The following ZDHHC16 variants were observed in gnomAD, a reference collection of about 807,000 sequenced individuals.
ZDHHC16 encodes the protein zDHHC palmitoyltransferase 16.
A neutral mutation model predicts 54.4 loss-of-function variants in ZDHHC16; 33 were observed. That is an observed-to-expected ratio of 0.61 (90% confidence interval 0.46 to 0.81). ZDHHC16 has a LOEUF of 0.81. ZDHHC16 is among the 30% of genes least tolerant of loss of function. ZDHHC16 has a pLI of 0.00. For missense variants in ZDHHC16, 420 were observed against 485.9 expected, an observed-to-expected ratio of 0.86 and a Z score of 1.28; for synonymous variants, 185 against 182.1, an observed-to-expected ratio of 1.02 and a Z score of -0.13.
Position 97,453,578 on chromosome 10 carries a change from C to G in ZDHHC16, c.605C>G (p.Ser202Cys). 6.2e-7 allele frequency: 1 copy of G among 1,614,214 alleles called. No individual in the cohort carries two copies. The stretch of plus-strand genomic sequence containing the variant: ...CACTATAACCATCGGTACTTCTTCT[C>G]TTTCTGCTTTTTCATGACTCTGGGC... ...VGHYNHRYFF[S>C]FCFFMTLGCV... The change falls in exon 7 of 12, where the codon TCT (serine) becomes TGT (cysteine). Residue 202 changes from serine to cysteine, a missense_variant. Coordinates refer to ENST00000393760, the MANE Select transcript of ZDHHC16 (RefSeq NM_198046.3).
chr10:97,454,374 TCTC>T (rs1436095133), intron 8 of ZDHHC16, among the ~76,000 whole-genome samples: 2 of 152,184 alleles, frequency 1.3e-5, no homozygotes, highest in African/African-American at 2.4e-5. Flanking sequence ...TATGGTCTGG[TCTC>T]CTCTCTTGGG....
At chr10:97,455,462 T>C (rs1424590091) in intron 9 of ZDHHC16, 198 bp from the exon 10 acceptor site, 22 of 914,438 alleles carry the variant, frequency 2.4e-5, no homozygotes, top group Non-Finnish European at 3.4e-5. Context: ...CATTTATTCT[T>C]AGGCCACTTT....
At chr10:97,447,779 C>T (rs1846227492) in intron 1 of ZDHHC16, among the ~76,000 whole-genome samples, 2 of 152,096 alleles carry the variant, frequency 1.3e-5, no homozygotes, top group African/African-American at 4.8e-5. Context: ...CAAAATTAGC[C>T]AGGCGTGGTG....
rs145605528 is a variant in ZDHHC16 at position 97,452,111 on chromosome 10, G to A, written c.265G>A (p.Val89Met). Residue 89 changes from valine to methionine, a missense_variant, in exon 4 of 12, where the codon GTG becomes ATG. Transcript: ENST00000393760. ...FGVVFVVLVI[V>M]LTGSIVAIAY... is the part of the protein sequence containing the mutation. The stretch of plus-strand genomic sequence containing the variant: ...GCAGGTGTTCGTGGTCCTGGTGATC[G>A]TGCTGACAGGCTCCATTGTAGCTAT... 5 of 1,613,866 alleles carry A rather than the reference G, an allele frequency of 3.1e-6. No homozygotes were observed. Among genetic ancestry groups the A allele is most frequent in the South Asian group, 2.2e-5 (2 of 91,086 alleles).
At chr10:97,446,478 CCCT>C (rs952049554) in intron 1 of ZDHHC16, 125 bp downstream of exon 1, 2 of 178,148 alleles carry the variant, frequency 1.1e-5, no homozygotes, top group Non-Finnish European at 2.4e-5. Flanking sequence ...CGGGGCCGTG[CCCT>C]CCTCAGCCCG....
At chr10:97,449,858 A>ATTTTTTTTTTTTTTTTTTTTT (rs1412478223) in intron 1 of ZDHHC16, among the ~76,000 whole-genome samples, 1 of 62,354 alleles carries the variant, frequency 1.6e-5, no homozygotes, top group African/African-American at 6.8e-5. Context: ...ACTCCCCTTA[A>ATTTTTTTTTTTTTTTTTTTTT]TTCTTTTTTT....
intron 2 of ZDHHC16, 103 bp from the exon 3 acceptor site, chr10:97,451,568 A>C (rs760392850): frequency 4.0e-6 from 6 of 1,481,676 alleles, no homozygotes; most frequent in Non-Finnish European, 5.4e-6. Context: ...GCTGGGTCTT[A>C]GTCTTAGGTC....
rs112757667 is a variant in ZDHHC16 at position 97,453,311 on chromosome 10, A to T, written c.557-219A>T. On this transcript the variant is annotated intron_variant, in intron 6 of 11. Coordinates refer to ENST00000393760, the MANE Select transcript of ZDHHC16 (RefSeq NM_198046.3). ...TTACTGAAGGATTTCAGTTTCCGTG[A>T]CTTCTTGGTGGGACCTGAATGCTCT... 3.0e-3 allele frequency among the ~76,000 whole-genome samples: 450 copies of T among 150,440 alleles called. 4 individuals are homozygous for T. Among genetic ancestry groups the T allele is most frequent in the African/African-American group, 0.01 (414 of 40,958 alleles).
At position 97,451,659 on chromosome 10, in the gene ZDHHC16, G is replaced by A; in HGVS notation, c.-5-12G>A. ...GCTCAGACTAGATCCTCACAATGGTGTGCTCTCGTAGGAACCATGCGAGGC... is the reference window on the plus strand; with the variant it reads ...GCTCAGACTAGATCCTCACAATGGTATGCTCTCGTAGGAACCATGCGAGGC... On this transcript the variant is annotated splice_polypyrimidine_tract_variant and intron_variant, in intron 2 of 11. Transcript: ENST00000393760. 6.2e-7 allele frequency: 1 copy of A among 1,601,364 alleles called. No homozygotes were observed.
In ZDHHC16 at chr10:97,451,715, C is replaced by T. The variant is rs1846633506; in HGVS notation, c.40C>T (p.Leu14Phe). The T allele has an allele frequency of 6.2e-7, 1 of 1,612,916 alleles. No individual in the cohort carries two copies. Among genetic ancestry groups the T allele is most frequent in the Admixed American group, 1.7e-5 (1 of 60,002 alleles). ...GAGCCTGCTGCTGGGCCCGGCCCGCCTCTGCCTCCGCCTCCTTCTGCTGCT... is the reference window on the plus strand; with the variant it reads ...GAGCCTGCTGCTGGGCCCGGCCCGCTTCTGCCTCCGCCTCCTTCTGCTGCT... ...QRSLLLGPAR[L>F]CLRLLLLLGY... The change falls in exon 3 of 12, where the codon CTC becomes TTC. Residue 14 changes from leucine (L) to phenylalanine (F), a missense_variant. Coordinates refer to ENST00000393760, the MANE Select transcript of ZDHHC16 (RefSeq NM_198046.3).
intron 8 of ZDHHC16, 66 bp downstream of exon 8, chr10:97,453,912 C>T: frequency 6.2e-7 from 1 of 1,605,546 alleles, no homozygotes; most frequent in Non-Finnish European, 8.5e-7. Flanking sequence ...GCTAAGGCAT[C>T]TGGGGCCGAC....
In ZDHHC16 at chr10:97,448,476, G is replaced by A. The variant is rs190169597; in HGVS notation, c.-185-1881G>A. On this transcript the variant is annotated intron_variant, in intron 1 of 11. Coordinates refer to ENST00000393760, the MANE Select transcript of ZDHHC16 (RefSeq NM_198046.3). The stretch of plus-strand genomic sequence containing the variant: ...GATTGGAAATATTTGGGGGCAGCTG[G>A]GCATGGTGGTTCGCTCACACCTGTA... 5.3e-3 allele frequency: 808 copies of A among 152,342 alleles called. 8 individuals are homozygous for A. Among genetic ancestry groups the A allele is most frequent in the Non-Finnish European group, 7.9e-3 (536 of 68,074 alleles). 9.4% of individuals were successfully genotyped at this position (152,342 alleles called of 1,614,324 possible). A position where few individuals can be genotyped will look rare whatever the true frequency, so the allele number is the denominator to read the frequency against.
At chr10:97,453,892 GTA>G (rs1846901026) in intron 8 of ZDHHC16, 46 bp downstream of exon 8, 1 of 1,613,120 alleles carries the variant, frequency 6.2e-7, no homozygotes, top group African/African-American at 1.3e-5. Context: ...AGGCCTGGGG[GTA>G]TAGAGTTGCT....
At chr10:97,446,378 C>T (rs1846020158) in intron 1 of ZDHHC16, 25 bp downstream of exon 1, 2 of 339,462 alleles carry the variant, frequency 5.9e-6, no homozygotes, top group Admixed American at 4.8e-5. Context: ...TCGGCCCTTG[C>T]TCCCCATCCT....
At chr10:97,456,161 A>C in intron 11 of ZDHHC16, 117 bp downstream of exon 11, 3 of 1,053,176 alleles carry the variant, frequency 2.8e-6, no homozygotes, top group Non-Finnish European at 4.2e-6. Flanking sequence ...ACAGTTCTAG[A>C]CTCTAGGAAT....
chr10:97,451,709 G>T lies in ZDHHC16; in HGVS notation c.34G>T (p.Ala12Ser). ...RGQRSLLLGP[A>S]RLCLRLLLLL... ...CCAGCGGAGCCTGCTGCTGGGCCCG[G>T]CCCGCCTCTGCCTCCGCCTCCTTCT... is the stretch of plus-strand genomic sequence containing the variant. The change falls in exon 3 of 12, where the codon GCC becomes TCC. Residue 12 changes from alanine to serine, a missense_variant. Coordinates refer to ENST00000393760, the MANE Select transcript of ZDHHC16 (RefSeq NM_198046.3). The T allele has an allele frequency of 6.2e-7, 1 of 1,612,246 alleles. No homozygotes were observed. Among genetic ancestry groups the T allele is most frequent in the Non-Finnish European group, 8.5e-7 (1 of 1,179,838 alleles).
chr10:97,455,559 A>C, intron 9 of ZDHHC16, 101 bp from the exon 10 acceptor site: 4 of 1,587,546 alleles, frequency 2.5e-6, no homozygotes, highest in Non-Finnish European at 3.4e-6. Flanking sequence ...AGACTTAGGT[A>C]GAGAGGTTCC....
rs1273014194 is a variant in ZDHHC16 at position 97,452,899 on chromosome 10, G to T, written c.532G>T (p.Val178Leu). 6.2e-7 allele frequency: 1 copy of T among 1,614,102 alleles called. No individual in the cohort carries two copies. The highest frequency in any genetic ancestry group is 8.5e-7 in the Non-Finnish European group (1 of 1,180,046). ...THHCSICNRC[V>L]LKMDHHCPWL... is the part of the protein sequence containing the mutation. ...GCCTGTGTCCCTTCCTCACAGGTGTGTGCTGAAGATGGATCACCACTGCCG... is the reference window on the plus strand; with the variant it reads ...GCCTGTGTCCCTTCCTCACAGGTGTTTGCTGAAGATGGATCACCACTGCCG... The change falls in exon 6 of 12, where the codon GTG (valine) becomes TTG (leucine). Residue 178 changes from valine to leucine, a missense_variant. Val to Leu is a conservative substitution (Grantham distance 32). Coordinates refer to ENST00000393760, the MANE Select transcript of ZDHHC16 (RefSeq NM_198046.3).
rs1846890353 is a variant in ZDHHC16 at position 97,453,820 on chromosome 10, A to T, written c.712A>T (p.Asn238Tyr). The stretch of plus-strand genomic sequence containing the variant: ...TTAGAAAATGAAACAGCTCGACAAG[A>T]ACAAACTACAGGCGGTTGCCAACCA... ...AIEKMKQLDK[N>Y]KLQAVANQTY... is the part of the protein sequence containing the mutation. Residue 238 changes from asparagine to tyrosine, a missense_variant, in exon 8 of 12, where the codon AAC becomes TAC. Asn to Tyr is a moderately radical substitution (Grantham distance 143). Coordinates refer to ENST00000393760, the MANE Select transcript of ZDHHC16 (RefSeq NM_198046.3). 2 of 1,614,098 alleles carry T rather than the reference A, an allele frequency of 1.2e-6. No homozygotes were observed. The highest frequency in any genetic ancestry group is 1.3e-5 in the African/African-American group (1 of 74,926).
Sources: gnomAD v4.1 joint callset for allele counts (sites outside exome capture counted in the v4.1 genomes callset) on GRCh38, gnomAD v4.1.1 for gene constraint, MANE v1.5 for transcripts, NCBI Gene and HGNC (gene_info 2026-07-23, HGNC 2026-07-21) for gene names.